The following STXBP4 variants were observed in gnomAD, a reference collection of about 807,000 sequenced individuals.
STXBP4 encodes the protein syntaxin binding protein 4.
A neutral mutation model predicts 76.1 loss-of-function variants in STXBP4; 55 were observed. That is an observed-to-expected ratio of 0.72 (90% CI 0.58 to 0.91). STXBP4 has a LOEUF of 0.91. STXBP4 is among the 40% of genes least tolerant of loss of function. The pLI is 0.00. For synonymous variants in STXBP4, 201 were observed against 220.2 expected, an observed-to-expected ratio of 0.91 and a Z score of 0.77; for missense variants, 618 against 636.9, an observed-to-expected ratio of 0.97 and a Z score of 0.32.
chr17:55,208,340 C>T, the STXBP4 span, among the ~76,000 whole-genome samples: 57,947 of 151,674 alleles, frequency 0.38, 12,139 homozygotes, highest in Non-Finnish European at 0.47. Context: ...GCACCCAGTA[C>T]GGTGTGCTGT....
chr17:55,161,909 G>A lies in STXBP4; in HGVS notation c.*1998G>A, dbSNP rs2080340389. ...AGAAGCTAGGGTTCAAGGCAGATCT[G>A]TGATTCCAGAAGCTGTTCTCTAAAC... On this transcript the variant is annotated 3_prime_UTR_variant, in exon 18 of 18. Coordinates refer to ENST00000376352, the MANE Select transcript of STXBP4 (RefSeq NM_178509.6). The A allele has an allele frequency of 6.6e-6, 1 of 152,158 alleles. No homozygotes were observed. The allele number at this position is 152,158 out of a possible 1,614,324, so 9.4% of individuals were successfully genotyped here. A position where few individuals can be genotyped will look rare whatever the true frequency, so the allele number is the denominator to read the frequency against.
At chr17:55,190,643 T>C in the STXBP4 span, among the ~76,000 whole-genome samples, 2 of 152,082 alleles carry the variant, frequency 1.3e-5, no homozygotes, top group Non-Finnish European at 2.9e-5. Flanking sequence ...AAGGAAGGAA[T>C]GGTGGATCTG....
At position 55,022,347 on chromosome 17, in the gene STXBP4, C is replaced by T. The variant is rs143037958; in HGVS notation, c.667-8821C>T. ...CTACTCCTTTCCTTCATTCTCATGG[C>T]AATGAAGGAGGTTGTCAGAAGAGGT... On this transcript the variant is annotated intron_variant, in intron 8 of 17. Transcript: ENST00000376352. Among the ~76,000 whole-genome samples the T allele has an allele frequency of 3.3e-3, 505 of 151,592 alleles. 2 individuals are homozygous for T. The highest frequency in any genetic ancestry group is 0.011 in the African/African-American group (470 of 41,328).
intron 8 of STXBP4, among the ~76,000 whole-genome samples, chr17:55,023,288 C>G (rs2078347638): frequency 6.6e-6 from 1 of 152,162 alleles, no homozygotes; most frequent in Admixed American, 6.5e-5. Flanking sequence ...TTGAGTCTCC[C>G]TTATCCAAAA....
intron 13 of STXBP4, among the ~76,000 whole-genome samples, chr17:55,077,054 T>A (rs1408896003): frequency 6.6e-6 from 1 of 152,218 alleles, no homozygotes; most frequent in Non-Finnish European, 1.5e-5. Context: ...CTCTTATTTT[T>A]AAAAACATAT....
the STXBP4 span, among the ~76,000 whole-genome samples, chr17:55,182,967 T>C: frequency 6.6e-6 from 1 of 151,992 alleles, no homozygotes; most frequent in African/African-American, 2.4e-5. Flanking sequence ...CAAATGAAGC[T>C]TAAAGATGAA....
At chr17:55,081,225 T>G (rs373512102) in intron 16 of STXBP4, 42 bp downstream of exon 16, 22 of 1,353,706 alleles carry the variant, frequency 1.6e-5, no homozygotes, top group Non-Finnish European at 2.0e-5. Flanking sequence ...AGTAATTTAT[T>G]TAACAAAACA....
chr17:55,122,507 A>T (rs1233696143), intron 16 of STXBP4, among the ~76,000 whole-genome samples: 1 of 152,250 alleles, frequency 6.6e-6, no homozygotes, highest in South Asian at 2.1e-4. Context: ...ATGCAGAGAT[A>T]AATGAAGGAA....
At chr17:55,197,120 C>T in the STXBP4 span, among the ~76,000 whole-genome samples, 117 of 152,282 alleles carry the variant, frequency 7.7e-4, no homozygotes, top group Admixed American at 1.6e-3. Flanking sequence ...AATTAGGCAC[C>T]TCAACGCTAA....
chr17:55,177,941 G>A (rs2080436944), downstream of STXBP4, among the ~76,000 whole-genome samples: 1 of 152,206 alleles, frequency 6.6e-6, no homozygotes, highest in Admixed American at 6.5e-5. Flanking sequence ...ACCTGGAGTT[G>A]TCTAATGACA....
intron 16 of STXBP4, among the ~76,000 whole-genome samples, chr17:55,093,203 C>T (rs116337624): frequency 0.012 from 1,755 of 152,072 alleles, 34 homozygotes; most frequent in African/African-American, 0.039. Context: ...CACATTGGCC[C>T]GGCTGGTCTT....
chr17:55,119,163 A>G (rs1056612983), intron 16 of STXBP4, among the ~76,000 whole-genome samples: 3 of 152,088 alleles, frequency 2.0e-5, no homozygotes, highest in Non-Finnish European at 2.9e-5. Context: ...ATTGATGCCC[A>G]TGGGCTTGTG....
At chr17:55,145,159 T>G (rs2080138287) in intron 17 of STXBP4, among the ~76,000 whole-genome samples, 1 of 152,234 alleles carries the variant, frequency 6.6e-6, no homozygotes, top group Non-Finnish European at 1.5e-5. Flanking sequence ...TTTTTGGAAC[T>G]ATTTCGTTTT....
At chr17:55,002,848 T>C (rs187612921) in intron 7 of STXBP4, among the ~76,000 whole-genome samples, 18 of 152,224 alleles carry the variant, frequency 1.2e-4, no homozygotes, top group Non-Finnish European at 2.4e-4. Context: ...ACTTATATTG[T>C]AATTAGTGCA....
intron 17 of STXBP4, among the ~76,000 whole-genome samples, chr17:55,144,737 G>C (rs1245569475): frequency 6.6e-6 from 1 of 152,214 alleles, no homozygotes; most frequent in Non-Finnish European, 1.5e-5. Context: ...TCTGTTGCAG[G>C]TGGATTTGAT....
chr17:55,113,975 A>G (rs1567768483), intron 16 of STXBP4, among the ~76,000 whole-genome samples: 1 of 151,958 alleles, frequency 6.6e-6, no homozygotes, highest in Admixed American at 6.6e-5. Flanking sequence ...TCTGTACCTC[A>G]TTTTCCTCAC....
At chr17:55,045,284 G>T (rs1037013987) in intron 11 of STXBP4, among the ~76,000 whole-genome samples, 17 of 151,914 alleles carry the variant, frequency 1.1e-4, no homozygotes, top group African/African-American at 4.1e-4. Context: ...TGCAACAATT[G>T]TTTTGATGGA....
At chr17:54,981,646 A>G (rs7221223) in intron 1 of STXBP4, among the ~76,000 whole-genome samples, 31,258 of 152,062 alleles carry the variant, frequency 0.21, 3,694 homozygotes, top group Non-Finnish European at 0.27. Flanking sequence ...ATAACTTTGG[A>G]GTGGGCAAGG....
At chr17:55,026,292 G>A (rs1230531961) in intron 8 of STXBP4, among the ~76,000 whole-genome samples, 1 of 152,090 alleles carries the variant, frequency 6.6e-6, no homozygotes, top group African/African-American at 2.4e-5. Context: ...GTATGGAAAT[G>A]CAAAAGACCC....
Sources: allele counts gnomAD v4.1 joint callset (sites outside exome capture counted in the v4.1 genomes callset), GRCh38; gene constraint gnomAD v4.1.1; transcripts MANE v1.5; gene names NCBI Gene and HGNC (gene_info 2026-07-23, HGNC 2026-07-21).